The following PPP1R12B variants were observed in gnomAD, a reference collection of about 807,000 sequenced individuals.
The protein encoded by PPP1R12B is myosin phosphatase target subunit 2.
PPP1R12B carries 76 observed loss-of-function variants against 126.1 expected under a neutral mutation model. The ratio of observed to expected loss-of-function variants is 0.60; its 90% CI spans 0.50 to 0.73. The LOEUF (loss-of-function observed/expected upper bound fraction) is 0.73. Among genes scored for constraint, PPP1R12B ranks in the 30% least tolerant of loss-of-function variants. The pLI, the probability that PPP1R12B is intolerant of heterozygous loss-of-function variation, is 0.00. For synonymous variants in PPP1R12B, 356 were observed against 434.7 expected, an observed-to-expected ratio of 0.82 and a Z score of 2.25; for missense variants, 1,052 against 1,205.1, an observed-to-expected ratio of 0.87 and a Z score of 1.88.
intron 1 of PPP1R12B, chr1:202,370,063 G>A (rs867833887): frequency 1.8e-4 from 32 of 180,928 alleles, no homozygotes; most frequent in African/African-American, 6.5e-4. Context: ...CCAAAGTACT[G>A]GGACTACAGG....
intron 1 of PPP1R12B, among the ~76,000 whole-genome samples, chr1:202,412,507 A>G (rs1354729874): frequency 1.3e-5 from 2 of 152,174 alleles, no homozygotes; most frequent in Non-Finnish European, 2.9e-5. Flanking sequence ...TTAAAGGCCA[A>G]AGAATGATCT....
intron 12 of PPP1R12B, among the ~76,000 whole-genome samples, chr1:202,445,803 G>A (rs1672155964): frequency 6.6e-6 from 1 of 152,190 alleles, no homozygotes; most frequent in Non-Finnish European, 1.5e-5. Context: ...TCATCTAAGG[G>A]ATAGCATGGT....
chr1:202,395,525 T>A (rs1558173073), intron 1 of PPP1R12B, among the ~76,000 whole-genome samples: 1 of 152,186 alleles, frequency 6.6e-6, no homozygotes, highest in Non-Finnish European at 1.5e-5. Context: ...TTTTGGGTGA[T>A]TTTTCCCTCC....
Position 202,583,432 on chromosome 1 carries a change from C to T in PPP1R12B, c.*2872C>T, listed in dbSNP as rs1391884441. 11 of 152,136 alleles carry T rather than the reference C, an allele frequency of 7.2e-5. No individual in the cohort carries two copies. Among genetic ancestry groups the T allele is most frequent in the Admixed American group, 7.2e-4 (11 of 15,274 alleles). 9.4% of individuals were successfully genotyped at this position (152,136 alleles called of 1,614,324 possible). ...AGTTTTCCTTGTGACAAGAAATTTGCAAGCTTTTCAATCTCAGGAATACTG... is the reference window on the plus strand; with the variant it reads ...AGTTTTCCTTGTGACAAGAAATTTGTAAGCTTTTCAATCTCAGGAATACTG... On this transcript the variant is annotated 3_prime_UTR_variant, in exon 24 of 24. Coordinates refer to ENST00000608999, the MANE Select transcript of PPP1R12B (RefSeq NM_002481.4).
In PPP1R12B at chr1:202,385,241, T is replaced by C. The variant is rs139080806; in HGVS notation, c.292-31546T>C. The stretch of plus-strand genomic sequence containing the variant: ...CTCAGAAAATTACATCTGAACAATT[T>C]ATGCTTAGACTGTTCAGTTTGCATA... On this transcript the variant is annotated intron_variant, in intron 1 of 23. Transcript: ENST00000608999. Among the ~76,000 whole-genome samples, 279 of 152,334 alleles carry C rather than the reference T, an allele frequency of 1.8e-3. 2 individuals carry two copies. Among genetic ancestry groups the C allele is most frequent in the East Asian group, 9.2e-3 (48 of 5,190 alleles).
At chr1:202,425,531 A>C (rs1243005130) in intron 3 of PPP1R12B, 35 bp from the exon 4 acceptor site, 1 of 1,604,556 alleles carries the variant, frequency 6.2e-7, no homozygotes, top group East Asian at 2.2e-5. Context: ...GTGGAGCTTT[A>C]GTAATCCTGG....
chr1:202,487,945 G>A (rs2148836423), intron 13 of PPP1R12B, among the ~76,000 whole-genome samples: 1 of 152,186 alleles, frequency 6.6e-6, no homozygotes, highest in African/African-American at 2.4e-5. Context: ...CCTACAGATA[G>A]TACAGAACCC....
At chr1:202,474,093 G>C (rs1057283536) in intron 13 of PPP1R12B, 3 of 449,648 alleles carry the variant, frequency 6.7e-6, no homozygotes, top group African/African-American at 6.1e-5. Context: ...TGTATCTGTG[G>C]GCTTGTTCCT....
At chr1:202,462,503 G>A (rs1674443914) in intron 13 of PPP1R12B, among the ~76,000 whole-genome samples, 1 of 152,040 alleles carries the variant, frequency 6.6e-6, no homozygotes, top group Non-Finnish European at 1.5e-5. Context: ...TCCTTATGTA[G>A]CAGAACCTCT....
At chr1:202,438,095 C>T (rs568794998) in intron 10 of PPP1R12B, 71 bp downstream of exon 10, 2 of 1,601,188 alleles carry the variant, frequency 1.2e-6, no homozygotes, top group African/African-American at 2.7e-5. Flanking sequence ...ATCTTAGGAA[C>T]AAATGAAAAT....
At chr1:202,432,355 G>A (rs956595171) in intron 8 of PPP1R12B, among the ~76,000 whole-genome samples, 3 of 151,332 alleles carry the variant, frequency 2.0e-5, no homozygotes, top group Non-Finnish European at 4.4e-5. Flanking sequence ...TGCAACCTCC[G>A]CCTCCCAGGC....
At position 202,427,028 on chromosome 1, in the gene PPP1R12B, T is replaced by C; in HGVS notation, c.702-12T>C. ...CAGAAGATATATGTCTTGTTTTGGGTTTTCTTTTTAGACTTTTAATTCAGG... is the reference window on the plus strand; with the variant it reads ...CAGAAGATATATGTCTTGTTTTGGGCTTTCTTTTTAGACTTTTAATTCAGG... On this transcript the variant is annotated splice_polypyrimidine_tract_variant and intron_variant, in intron 4 of 23. Transcript: ENST00000608999. 2 of 1,606,918 alleles carry C rather than the reference T, an allele frequency of 1.2e-6. No homozygotes were observed. The highest frequency in any genetic ancestry group is 1.7e-6 in the Non-Finnish European group (2 of 1,177,924).
intron 10 of PPP1R12B, chr1:202,439,436 C>T (rs908837205): frequency 4.7e-5 from 62 of 1,322,916 alleles, no homozygotes; most frequent in Middle Eastern, 2.0e-4. Context: ...AAATGCTGGG[C>T]GACCCCAGCT....
At chr1:202,503,697 T>C (rs1242146218) in intron 18 of PPP1R12B, among the ~76,000 whole-genome samples, 2 of 151,966 alleles carry the variant, frequency 1.3e-5, no homozygotes, top group East Asian at 3.9e-4. Flanking sequence ...CCTGAGAATA[T>C]GGATGCAGTT....
chr1:202,562,874 C>T lies in PPP1R12B; in HGVS notation c.2604C>T (p.Ala868=). The T allele has an allele frequency of 1.2e-6, 2 of 1,610,298 alleles. No homozygotes were observed. Among genetic ancestry groups the T allele is most frequent in the Non-Finnish European group, 1.7e-6 (2 of 1,178,914 alleles). ...ARREAREARL[A]TLTSRVEEDS... is the part of the protein sequence containing the mutation. ...GGGAGGCCCGGGAGGCCCGCCTAGC[C>T]ACCCTGACCAGCCGTGTAGAAGAAG... Residue 868 remains alanine, a synonymous_variant, in exon 20 of 24, where the codon GCC becomes GCT. Transcript: ENST00000608999.
At chr1:202,576,716 C>T (rs1244107787) in intron 23 of PPP1R12B, 1 of 152,006 alleles carries the variant, frequency 6.6e-6, no homozygotes, top group Non-Finnish European at 1.5e-5. Context: ...AACTAGATCT[C>T]ATGCTTTCAG....
At chr1:202,497,504 T>C (rs1270143071) in intron 18 of PPP1R12B, among the ~76,000 whole-genome samples, 1 of 152,248 alleles carries the variant, frequency 6.6e-6, no homozygotes, top group African/African-American at 2.4e-5. Flanking sequence ...TGACCTTTTG[T>C]ATCCTACAAC....
chr1:202,404,316 C>T (rs558102409), intron 1 of PPP1R12B, among the ~76,000 whole-genome samples: 12 of 152,132 alleles, frequency 7.9e-5, no homozygotes, highest in African/African-American at 2.9e-4. Flanking sequence ...TGCATGCCCC[C>T]ACCCCCTTTT....
intron 1 of PPP1R12B, among the ~76,000 whole-genome samples, chr1:202,405,423 A>G (rs1666466251): frequency 6.6e-6 from 1 of 152,198 alleles, no homozygotes; most frequent in African/African-American, 2.4e-5. Flanking sequence ...CATTACTTAT[A>G]TAGAACTATA....
Sources: gnomAD v4.1 joint callset for allele counts (sites outside exome capture counted in the v4.1 genomes callset) on GRCh38, gnomAD v4.1.1 for gene constraint, MANE v1.5 for transcripts, NCBI Gene and HGNC (gene_info 2026-07-23, HGNC 2026-07-21) for gene names.